The following CDH12 variants were observed in gnomAD, a reference collection of about 807,000 sequenced individuals.
CDH12 encodes the protein cadherin 12.
In CDH12, 41 loss-of-function variants were observed where a neutral mutation model predicts 74.1. The ratio of observed to expected loss-of-function variants is 0.55; its 90% confidence interval spans 0.43 to 0.72. The LOEUF is 0.72. Ranked by LOEUF, CDH12 falls within the 30% of genes least tolerant of loss-of-function variation. The probability of loss-of-function intolerance (pLI) is 0.00; values close to 1 mark genes in which losing one functional copy is unlikely to be tolerated. For synonymous variants in CDH12, 399 were observed against 355.0 expected, an observed-to-expected ratio of 1.12 and a Z score of -1.39; for missense variants, 945 against 977.2, an observed-to-expected ratio of 0.97 and a Z score of 0.44.
chr5:21,895,778 G>T (rs1427042611), intron 6 of CDH12, among the ~76,000 whole-genome samples: 1 of 152,094 alleles, frequency 6.6e-6, no homozygotes, highest in Non-Finnish European at 1.5e-5. Flanking sequence ...CATGATTGAA[G>T]GTAAAGATCA....
At chr5:22,252,808 T>C (rs908328848) in intron 3 of CDH12, among the ~76,000 whole-genome samples, 13 of 152,036 alleles carry the variant, frequency 8.6e-5, no homozygotes, top group African/African-American at 3.1e-4. Context: ...CTTAGCTTAA[T>C]TTCTTCTATG....
chr5:22,724,729 T>C (rs1354820302), intron 1 of CDH12, among the ~76,000 whole-genome samples: 1 of 151,898 alleles, frequency 6.6e-6, no homozygotes, highest in Non-Finnish European at 1.5e-5. Flanking sequence ...TTTTAAATGA[T>C]GGCATAATGT....
At chr5:22,493,612 G>A (rs2126644251) in intron 2 of CDH12, among the ~76,000 whole-genome samples, 1 of 151,372 alleles carries the variant, frequency 6.6e-6, no homozygotes, top group Non-Finnish European at 1.5e-5. Context: ...CCTTTAAGAA[G>A]TATCCATTGA....
chr5:22,674,504 A>G (rs548419630), intron 1 of CDH12, among the ~76,000 whole-genome samples: 56 of 152,162 alleles, frequency 3.7e-4, no homozygotes, highest in Non-Finnish European at 3.8e-4. Flanking sequence ...AAAATAGACT[A>G]ATATAGTATA....
In CDH12 at chr5:22,487,395, G is replaced by A. The variant is rs770512330; in HGVS notation, c.-428+17875C>T. 1.1e-4 allele frequency among the ~76,000 whole-genome samples: 17 copies of A among 152,228 alleles called. 1 individual carries two copies. Among genetic ancestry groups the A allele is most frequent in the Admixed American group, 6.5e-4 (10 of 15,292 alleles). On this transcript the variant is annotated intron_variant, in intron 2 of 14. Coordinates refer to ENST00000382254, the MANE Select transcript of CDH12 (RefSeq NM_004061.5). ...ACAAGGTAAAAAACAGGGATAAAAT[G>A]TATATCGCATAATCACATAATTTGA...
intron 3 of CDH12, among the ~76,000 whole-genome samples, chr5:22,348,994 G>A (rs1740241319): frequency 6.6e-6 from 1 of 152,170 alleles, no homozygotes; most frequent in Non-Finnish European, 1.5e-5. Context: ...GTATTAGCAT[G>A]GTATTGGGAG....
intron 2 of CDH12, among the ~76,000 whole-genome samples, chr5:22,485,034 T>C (rs1048008665): frequency 6.6e-6 from 1 of 152,166 alleles, no homozygotes; most frequent in African/African-American, 2.4e-5. Flanking sequence ...TATAATGCAG[T>C]TTTTTGTAAA....
chr5:22,281,255 C>T (rs572636216), intron 3 of CDH12, among the ~76,000 whole-genome samples: 1 of 152,206 alleles, frequency 6.6e-6, no homozygotes, highest in East Asian at 1.9e-4. Flanking sequence ...ATGACAAACC[C>T]ACAGCCAATA....
At chr5:22,019,921 C>A (rs1325182766) in intron 5 of CDH12, among the ~76,000 whole-genome samples, 1 of 152,110 alleles carries the variant, frequency 6.6e-6, no homozygotes, top group African/African-American at 2.4e-5. Context: ...TGCACTAAGT[C>A]TCAAAGTGTG....
chr5:22,169,686 ATTGT>A (rs1299055430), intron 4 of CDH12, among the ~76,000 whole-genome samples: 3 of 151,886 alleles, frequency 2.0e-5, no homozygotes, highest in African/African-American at 7.2e-5. Context: ...GATAGAAATG[ATTGT>A]TTGTTGAATG....
At chr5:21,933,265 ATC>A (rs1754925463) in intron 6 of CDH12, among the ~76,000 whole-genome samples, 1 of 152,130 alleles carries the variant, frequency 6.6e-6, no homozygotes, top group South Asian at 2.1e-4. Context: ...AACATCAGTT[ATC>A]TCTTTTTTAT....
At chr5:22,524,519 G>A (rs1447022877) in intron 1 of CDH12, among the ~76,000 whole-genome samples, 10 of 152,064 alleles carry the variant, frequency 6.6e-5, no homozygotes, top group Admixed American at 2.6e-4. Context: ...ACTTGTAAAC[G>A]TGTGACATGC....
chr5:21,757,049 G>A (rs1744437562), intron 13 of CDH12, among the ~76,000 whole-genome samples: 1 of 152,178 alleles, frequency 6.6e-6, no homozygotes, highest in African/African-American at 2.4e-5. Context: ...CATAATCTGA[G>A]TGAAAATGAC....
intron 1 of CDH12, among the ~76,000 whole-genome samples, chr5:22,623,902 T>A (rs1383719669): frequency 6.6e-6 from 1 of 152,196 alleles, no homozygotes; most frequent in Non-Finnish European, 1.5e-5. Context: ...TCACGCTACC[T>A]GACTTCAAAT....
At chr5:21,814,142 AGTGTGTGTGTGTGTGTGTGTGTGT>A (rs59666017) in intron 9 of CDH12, among the ~76,000 whole-genome samples, 2 of 145,516 alleles carry the variant, frequency 1.4e-5, no homozygotes, top group African/African-American at 5.1e-5. Context: ...AGGAGAAATG[AGTGTGTGTGTGTGTGTGTGTGTGT>A]GTGTGTGTGT....
chr5:22,016,239 A>C (rs1291972729), intron 5 of CDH12, among the ~76,000 whole-genome samples: 2 of 152,094 alleles, frequency 1.3e-5, no homozygotes, highest in Non-Finnish European at 2.9e-5. Context: ...AAAGGAAATA[A>C]ATTAATTAAT....
intron 1 of CDH12, among the ~76,000 whole-genome samples, chr5:22,645,145 G>C (rs929563242): frequency 6.6e-6 from 1 of 152,092 alleles, no homozygotes; most frequent in Non-Finnish European, 1.5e-5. Flanking sequence ...TAAAGCAATA[G>C]TTGCCATAGA....
rs1738202874 is a variant in CDH12 at position 22,543,840 on chromosome 5, C to T, written c.-522-38476G>A. On this transcript the variant is annotated intron_variant, in intron 1 of 14. Coordinates refer to ENST00000382254, the MANE Select transcript of CDH12 (RefSeq NM_004061.5). ...CTGTATCAATGCTCATACTTTCAAA[C>T]ATATTTCACACTACATGTCCATTTT... is the stretch of plus-strand genomic sequence containing the variant. 2.0e-5 allele frequency among the ~76,000 whole-genome samples: 3 copies of T among 152,240 alleles called. No individual in the cohort carries two copies. The South Asian group carries it at 6.2e-4, about 32-fold the overall frequency.
chr5:22,829,451 A>G (rs577651077), intron 1 of CDH12, among the ~76,000 whole-genome samples: 26 of 152,258 alleles, frequency 1.7e-4, no homozygotes, highest in African/African-American at 1.4e-4. Context: ...GATTTGATGG[A>G]TTGAATTAGT....
Sources: gnomAD v4.1 joint callset for allele counts (sites outside exome capture counted in the v4.1 genomes callset) on GRCh38, gnomAD v4.1.1 for gene constraint, MANE v1.5 for transcripts, NCBI Gene and HGNC (gene_info 2026-07-23, HGNC 2026-07-21) for gene names.